The following TRPS1 variants were observed in gnomAD, a reference collection of about 807,000 sequenced individuals.
The protein encoded by TRPS1 is zinc finger transcription factor Trps1.
Under a neutral mutation model 101.2 loss-of-function variants are expected in TRPS1, and 6 were observed. The observed-to-expected ratio is 0.06, with a 90% CI of 0.03 to 0.12. TRPS1 has a LOEUF of 0.12. Among genes scored for constraint, TRPS1 ranks in the 10% least tolerant of loss-of-function variants. The pLI is 1.00. For missense variants in TRPS1, 1,363 were observed against 1,567.0 expected, an observed-to-expected ratio of 0.87 and a Z score of 2.20; for synonymous variants, 578 against 589.8, an observed-to-expected ratio of 0.98 and a Z score of 0.29.
chr8:115,579,904 G>C (rs1354468504), intron 5 of TRPS1, among the ~76,000 whole-genome samples: 1 of 126,458 alleles, frequency 7.9e-6, no homozygotes, highest in Non-Finnish European at 1.6e-5. Context: ...TTTATCACAA[G>C]TGTGCTGTCA....
At chr8:115,458,405 A>T (rs1814083069) in intron 5 of TRPS1, among the ~76,000 whole-genome samples, 1 of 152,190 alleles carries the variant, frequency 6.6e-6, no homozygotes, top group Non-Finnish European at 1.5e-5. Context: ...AATTAATAAC[A>T]ATTTGAAGTG....
Position 115,509,207 on chromosome 8 carries a change from T to G in TRPS1, c.2700+77794A>C, listed in dbSNP as rs578143613. Among the ~76,000 whole-genome samples, 6 of 152,126 alleles carry G rather than the reference T, an allele frequency of 3.9e-5. No homozygotes were observed. The South Asian group carries it at 1.0e-3, about 26-fold the overall frequency. On this transcript the variant is annotated intron_variant, in intron 5 of 6. Coordinates refer to ENST00000395715, the MANE Select transcript of TRPS1 (RefSeq NM_014112.5). ...GGTGTTTTCCCTGAAGCCGAACTCC[T>G]TATCTCTTTAAAGAGGTATAAGAGT...
intron 5 of TRPS1, among the ~76,000 whole-genome samples, chr8:115,532,044 A>G (rs1193039680): frequency 1.3e-5 from 2 of 152,180 alleles, no homozygotes; most frequent in Non-Finnish European, 2.9e-5. Flanking sequence ...TCGAAGGGCT[A>G]CTGACACTCA....
intron 4 of TRPS1, among the ~76,000 whole-genome samples, chr8:115,591,733 G>C (rs892263895): frequency 6.6e-6 from 1 of 152,160 alleles, no homozygotes; most frequent in African/African-American, 2.4e-5. Flanking sequence ...AAGTGCAGGG[G>C]TAAGTTTTCC....
intron 1 of TRPS1, among the ~76,000 whole-genome samples, chr8:115,651,081 T>C (rs1811549339): frequency 6.6e-6 from 1 of 152,192 alleles, no homozygotes; most frequent in Non-Finnish European, 1.5e-5. Flanking sequence ...ACTCATGACC[T>C]TAGAGCCTAA....
chr8:115,594,536 T>C (rs544503344), intron 4 of TRPS1, among the ~76,000 whole-genome samples: 1 of 152,040 alleles, frequency 6.6e-6, no homozygotes, highest in African/African-American at 2.4e-5. Flanking sequence ...AATCATGCTT[T>C]CTCTCTAGGC....
chr8:115,479,208 A>G (rs2130055371), intron 5 of TRPS1, among the ~76,000 whole-genome samples: 1 of 152,286 alleles, frequency 6.6e-6, no homozygotes, highest in East Asian at 1.9e-4. Context: ...TTAAACAAAT[A>G]TTAATTGAAC....
chr8:115,507,047 T>C (rs2130170397), intron 5 of TRPS1, among the ~76,000 whole-genome samples: 1 of 152,190 alleles, frequency 6.6e-6, no homozygotes, highest in East Asian at 1.9e-4. Flanking sequence ...AGCAGAAACT[T>C]GAGCTGAAAA....
intron 5 of TRPS1, among the ~76,000 whole-genome samples, chr8:115,462,635 CTCTCTCTT>C (rs1814211496): frequency 1.1e-5 from 1 of 90,794 alleles, no homozygotes; most frequent in Non-Finnish European, 2.2e-5. Context: ...CTCTCTCTCT[CTCTCTCTT>C]TTTTTTTTTT....
intron 1 of TRPS1, among the ~76,000 whole-genome samples, chr8:115,627,972 TTA>T (rs983992362): frequency 6.6e-6 from 1 of 151,870 alleles, no homozygotes; most frequent in African/African-American, 2.4e-5. Flanking sequence ...GTAAGTTTTA[TTA>T]CTATTAGTAG....
chr8:115,414,706 C>G lies in TRPS1; in HGVS notation c.3202G>C (p.Val1068Leu). The G allele has an allele frequency of 6.2e-7, 1 of 1,614,078 alleles. No individual in the cohort carries two copies. The highest frequency in any genetic ancestry group is 8.5e-7 in the Non-Finnish European group (1 of 1,179,960). The change falls in exon 7 of 7, where the codon GTA (valine) becomes CTA (leucine). Residue 1068 changes from valine to leucine, a missense_variant. Val to Leu is a conservative substitution (Grantham distance 32). Coordinates refer to ENST00000395715, the MANE Select transcript of TRPS1 (RefSeq NM_014112.5). The surrounding 1 kb of genome is among the most constrained non-coding windows in gnomAD (Gnocchi z 4.8). ...STGDPGNSSS[V>L]SEGKGSSERG... is the part of the protein sequence containing the mutation. ...TCAGAACTTCCTTTCCCTTCAGATA[C>G]GGATGAACTATTTCCTGGATCTCCA...
At chr8:115,599,958 C>T (rs1384187656) in intron 4 of TRPS1, among the ~76,000 whole-genome samples, 3 of 152,174 alleles carry the variant, frequency 2.0e-5, no homozygotes, top group Non-Finnish European at 4.4e-5. Context: ...CTCCCACCAA[C>T]AGTGTAAAAG....
intron 3 of TRPS1, among the ~76,000 whole-genome samples, chr8:115,613,136 A>G (rs1247693122): frequency 2.0e-5 from 3 of 152,202 alleles, no homozygotes; most frequent in Non-Finnish European, 1.5e-5. Context: ...CACCTGGATG[A>G]AATGTCCCTT....
At chr8:115,491,710 AAAGC>A (rs1024081079) in intron 5 of TRPS1, among the ~76,000 whole-genome samples, 7 of 152,072 alleles carry the variant, frequency 4.6e-5, no homozygotes, top group Non-Finnish European at 7.4e-5. Context: ...AGAGAGAGAG[AAAGC>A]AAGCAAGCAA....
At chr8:115,581,547 T>G (rs1563619948) in intron 5 of TRPS1, among the ~76,000 whole-genome samples, 1 of 151,006 alleles carries the variant, frequency 6.6e-6, no homozygotes. Context: ...AAAAAAAAAG[T>G]GCTTTAAAAA....
At chr8:115,588,668 G>A (rs1000561932) in intron 4 of TRPS1, among the ~76,000 whole-genome samples, 2 of 152,164 alleles carry the variant, frequency 1.3e-5, no homozygotes, top group African/African-American at 4.8e-5. Flanking sequence ...TATAAAAACT[G>A]TGTATGGCTG....
chr8:115,584,131 A>G (rs1467830241), intron 5 of TRPS1, among the ~76,000 whole-genome samples: 3 of 152,000 alleles, frequency 2.0e-5, no homozygotes, highest in African/African-American at 7.2e-5. Context: ...TTATTTCAAA[A>G]TGTTTCCATT....
At chr8:115,666,967 G>C (rs1586511164) in intron 1 of TRPS1, among the ~76,000 whole-genome samples, 1 of 152,148 alleles carries the variant, frequency 6.6e-6, no homozygotes, top group East Asian at 1.9e-4. Context: ...CCTCCGCTGA[G>C]CTTCTCACTT....
chr8:115,568,618 A>G (rs1817126300), intron 5 of TRPS1, among the ~76,000 whole-genome samples: 1 of 152,166 alleles, frequency 6.6e-6, no homozygotes, highest in East Asian at 1.9e-4. Flanking sequence ...TCTAAAAAAT[A>G]TATCAGAAAA....
Sources: gnomAD v4.1 joint callset for allele counts (sites outside exome capture counted in the v4.1 genomes callset) on GRCh38, gnomAD v4.1.1 for gene constraint, Gnocchi (gnomAD v3.1) non-coding constraint, MANE v1.5 for transcripts, NCBI Gene and HGNC (gene_info 2026-07-23, HGNC 2026-07-21) for gene names.